The following CSMD3 variants were observed in gnomAD, a reference collection of about 807,000 sequenced individuals.
CSMD3 encodes CUB and sushi domain-containing protein 3.
CSMD3 carries 177 observed loss-of-function variants against 435.2 expected under a neutral mutation model. The ratio of observed to expected loss-of-function variants is 0.41; its 90% CI spans 0.36 to 0.46. The LOEUF is 0.46. Ranked by LOEUF, CSMD3 falls within the 20% of genes least tolerant of loss-of-function variation. The pLI is 0.34. For synonymous variants in CSMD3, 1,656 were observed against 1,520.5 expected, an observed-to-expected ratio of 1.09 and a Z score of -2.07; for missense variants, 4,265 against 4,504.6, an observed-to-expected ratio of 0.95 and a Z score of 1.52.
intron 65 of CSMD3, 87 bp from the exon 66 acceptor site, chr8:112,241,872 AGTGTGATG>A: frequency 1.2e-6 from 1 of 857,526 alleles, no homozygotes; most frequent in Non-Finnish European, 2.0e-6. Flanking sequence ...ACACACACAC[AGTGTGATG>A]CACTGTCCAT....
chr8:112,988,428 A>G (rs1294463675), intron 6 of CSMD3, among the ~76,000 whole-genome samples: 6 of 152,062 alleles, frequency 3.9e-5, no homozygotes, highest in Non-Finnish European at 8.8e-5. Context: ...GTGAAGTTTG[A>G]TACCTCTATG....
chr8:112,316,662 G>A (rs1341042640), intron 47 of CSMD3, among the ~76,000 whole-genome samples: 3 of 151,748 alleles, frequency 2.0e-5, no homozygotes, highest in Non-Finnish European at 4.4e-5. Flanking sequence ...TTTAAAAACT[G>A]TGTATACTTT....
chr8:113,223,333 A>C (rs996239757), intron 3 of CSMD3, among the ~76,000 whole-genome samples: 9 of 150,422 alleles, frequency 6.0e-5, no homozygotes, highest in South Asian at 4.1e-4. Flanking sequence ...ATATAAAATA[A>C]TATGTCACCA....
chr8:112,904,121 T>C (rs988570307), intron 10 of CSMD3, among the ~76,000 whole-genome samples: 1 of 151,276 alleles, frequency 6.6e-6, no homozygotes, highest in Non-Finnish European at 1.5e-5. Flanking sequence ...GAACTGTCCT[T>C]ATGTGGAAAA....
chr8:113,043,366 C>T (rs1317584874), intron 5 of CSMD3, among the ~76,000 whole-genome samples: 1 of 152,112 alleles, frequency 6.6e-6, no homozygotes, highest in Non-Finnish European at 1.5e-5. Flanking sequence ...GTTATCTCCT[C>T]TTATGTATTT....
chr8:113,275,036 T>C (rs897439465), intron 3 of CSMD3, among the ~76,000 whole-genome samples: 5 of 152,052 alleles, frequency 3.3e-5, no homozygotes, highest in African/African-American at 9.7e-5. Flanking sequence ...TATGTCCCCA[T>C]AGAATTGAAA....
chr8:112,308,467 A>G (rs1259443892), intron 50 of CSMD3, among the ~76,000 whole-genome samples: 1 of 152,206 alleles, frequency 6.6e-6, no homozygotes, highest in East Asian at 1.9e-4. Flanking sequence ...TCCTGTGCCT[A>G]TGGATAGTTA....
chr8:113,351,393 T>C (rs1048961582), intron 1 of CSMD3, among the ~76,000 whole-genome samples: 4 of 152,132 alleles, frequency 2.6e-5, no homozygotes, highest in African/African-American at 4.8e-5. Context: ...AAAAGCAGGA[T>C]TGCCCTCACC....
intron 13 of CSMD3, among the ~76,000 whole-genome samples, chr8:112,743,830 A>G (rs966980715): frequency 1.1e-3 from 161 of 152,128 alleles, no homozygotes; most frequent in African/African-American, 3.7e-3. Context: ...AATTTTGCAT[A>G]CCTCATGGAA....
chr8:112,727,996 A>T (rs1383115787), intron 13 of CSMD3, among the ~76,000 whole-genome samples: 1 of 151,962 alleles, frequency 6.6e-6, no homozygotes, highest in East Asian at 1.9e-4. Flanking sequence ...ATTTGAAATT[A>T]TCTGGTGTAA....
chr8:113,370,530 A>C (rs2133047984), intron 1 of CSMD3, among the ~76,000 whole-genome samples: 1 of 152,008 alleles, frequency 6.6e-6, no homozygotes, highest in Non-Finnish European at 1.5e-5. Flanking sequence ...TGCATGTATA[A>C]ATTTTCTCAA....
chr8:112,513,570 A>C (rs1236071131), intron 28 of CSMD3, among the ~76,000 whole-genome samples: 1 of 152,202 alleles, frequency 6.6e-6, no homozygotes, highest in East Asian at 1.9e-4. Flanking sequence ...GCAATGAAAA[A>C]GTTTGAAATA....
At chr8:112,690,672 A>G (rs1198786931) in intron 13 of CSMD3, among the ~76,000 whole-genome samples, 1 of 150,302 alleles carries the variant, frequency 6.7e-6, no homozygotes, top group Admixed American at 6.7e-5. Context: ...TCCTTAATAA[A>G]TGTTTCTTGG....
intron 10 of CSMD3, among the ~76,000 whole-genome samples, chr8:112,919,081 T>C (rs991582762): frequency 2.0e-5 from 3 of 151,928 alleles, no homozygotes; most frequent in African/African-American, 4.8e-5. Context: ...ACCATACACA[T>C]ACGTGCCTTG....
At chr8:112,273,935 C>CA (rs76030401) in intron 59 of CSMD3, among the ~76,000 whole-genome samples, 21,735 of 79,264 alleles carry the variant, frequency 0.27, 1,683 homozygotes, top group Middle Eastern at 0.35. Context: ...AGGTAACATA[C>CA]AAAAAAAAAA....
rs1274747452 is a variant in CSMD3 at position 112,405,183 on chromosome 8, C to CAAAAAAAAAA, written c.5809+1331_5809+1340dup. ...TGAGCGACACAGCAAGACTCTCTCT[C>CAAAAAAAAAA]AAAAAAAAAAAAAAAAAAAAAAAAA... On this transcript the variant is annotated intron_variant, in intron 35 of 70. Transcript: ENST00000297405. Among the ~76,000 whole-genome samples the CAAAAAAAAAA allele has an allele frequency of 3.0e-4, 2 of 6,770 alleles. 1 individual carries two copies. The highest frequency in any genetic ancestry group is 8.8e-3 in the East Asian group (2 of 226). 4.4% of individuals were successfully genotyped at this position (6,770 alleles called of 152,430 possible).
At chr8:112,561,640 A>T (rs1828633971) in intron 24 of CSMD3, among the ~76,000 whole-genome samples, 2 of 151,666 alleles carry the variant, frequency 1.3e-5, no homozygotes, top group South Asian at 4.1e-4. Context: ...CAAGTTAAAG[A>T]TTCTTTTGTA....
chr8:112,590,329 T>C (rs1050715236), intron 22 of CSMD3, among the ~76,000 whole-genome samples: 1 of 151,958 alleles, frequency 6.6e-6, no homozygotes. Context: ...GGAAAGACTC[T>C]CTGAAGTACT....
intron 45 of CSMD3, among the ~76,000 whole-genome samples, chr8:112,320,787 A>G (rs1822925240): frequency 6.6e-6 from 1 of 152,116 alleles, no homozygotes; most frequent in Non-Finnish European, 1.5e-5. Context: ...AAATTTGCCC[A>G]AATCAAGAAG....
Sources: gnomAD v4.1 joint callset for allele counts (sites outside exome capture counted in the v4.1 genomes callset) on GRCh38, gnomAD v4.1.1 for gene constraint, MANE v1.5 for transcripts, NCBI Gene and HGNC (gene_info 2026-07-23, HGNC 2026-07-21) for gene names.